Variants in NPAS3 observed in about 807,000 individuals in gnomAD.
NPAS3 encodes neuronal PAS domain protein 3, also known as neuronal PAS domain-containing protein 3.
In NPAS3, 14 loss-of-function variants were observed where a neutral mutation model predicts 73.1. That is an observed-to-expected ratio of 0.19 (90% CI 0.13 to 0.30). The LOEUF (loss-of-function observed/expected upper bound fraction) is 0.30. Among genes scored for constraint, NPAS3 ranks in the 10% least tolerant of loss-of-function variants. The probability of loss-of-function intolerance (pLI) is 1.00; values close to 1 mark genes in which losing one functional copy is unlikely to be tolerated. For missense variants in NPAS3, 1,096 were observed against 1,250.0 expected (o/e 0.88, Z 1.86); for synonymous variants, 620 against 541.5 (o/e 1.14, Z -2.01).
chr14:33,573,673 G>A (rs368840541), intron 5 of NPAS3, among the ~76,000 whole-genome samples: 12 of 152,328 alleles, frequency 7.9e-5, no homozygotes, highest in African/African-American at 2.6e-4. Flanking sequence ...TTTGGAAAGG[G>A]TGTCAGAGTA....
chr14:32,993,293 G>A (rs1459441691), intron 1 of NPAS3, among the ~76,000 whole-genome samples: 2 of 152,158 alleles, frequency 1.3e-5, no homozygotes, highest in African/African-American at 4.8e-5. Context: ...GTAGGTTTGG[G>A]ACTGACCACT....
At chr14:33,246,525 G>A (rs1203392671) in intron 3 of NPAS3, among the ~76,000 whole-genome samples, 2 of 121,758 alleles carry the variant, frequency 1.6e-5, no homozygotes, top group African/African-American at 3.1e-5. Flanking sequence ...GGGCAACAGC[G>A]AGACTTCATC....
chr14:33,128,653 G>A (rs1481079554), intron 2 of NPAS3, among the ~76,000 whole-genome samples: 1 of 152,086 alleles, frequency 6.6e-6, no homozygotes, highest in Non-Finnish European at 1.5e-5. Context: ...ATGAGTTTTT[G>A]ATCACTGTAT....
chr14:33,127,099 A>AC (rs1196725546), intron 2 of NPAS3, among the ~76,000 whole-genome samples: 1 of 151,676 alleles, frequency 6.6e-6, no homozygotes, highest in African/African-American at 2.4e-5. Context: ...TTGAAAAAAA[A>AC]AAACTCTAAA....
intron 2 of NPAS3, among the ~76,000 whole-genome samples, chr14:33,142,670 T>C (rs2044096548): frequency 6.6e-6 from 1 of 152,252 alleles, no homozygotes; most frequent in Non-Finnish European, 1.5e-5. Context: ...GGAATATCTA[T>C]TTGATCTTTT....
At chr14:33,279,381 A>T (rs1286801791) in intron 3 of NPAS3, among the ~76,000 whole-genome samples, 1 of 152,196 alleles carries the variant, frequency 6.6e-6, no homozygotes, top group African/African-American at 2.4e-5. Flanking sequence ...CCTACGAGAT[A>T]GTTGTCACTT....
chr14:33,358,726 C>G (rs1490697991), intron 3 of NPAS3, among the ~76,000 whole-genome samples: 4 of 152,176 alleles, frequency 2.6e-5, no homozygotes, highest in African/African-American at 9.6e-5. Flanking sequence ...TTTATATTCC[C>G]TGACACAGTG....
chr14:32,966,118 A>G (rs2037147145), intron 1 of NPAS3, among the ~76,000 whole-genome samples: 1 of 152,214 alleles, frequency 6.6e-6, no homozygotes, highest in African/African-American at 2.4e-5. Context: ...TAAAATGGCC[A>G]TACTACTCAA....
intron 1 of NPAS3, among the ~76,000 whole-genome samples, chr14:32,981,369 C>G (rs562961389): frequency 3.0e-4 from 46 of 152,276 alleles, no homozygotes; most frequent in Non-Finnish European, 5.0e-4. Context: ...GAACATGCAT[C>G]TTGAGACTAC....
intron 2 of NPAS3, among the ~76,000 whole-genome samples, chr14:33,187,880 A>G (rs997276242): frequency 8.5e-5 from 13 of 152,158 alleles, no homozygotes; most frequent in Admixed American, 7.9e-4. Flanking sequence ...TTGTTACCTT[A>G]TTTAGTAGAA....
chr14:33,650,004 G>T (rs572878551), intron 5 of NPAS3, among the ~76,000 whole-genome samples: 30 of 152,232 alleles, frequency 2.0e-4, no homozygotes, highest in African/African-American at 6.3e-4. Context: ...GAATATCCTG[G>T]GATTCCTGTT....
intron 2 of NPAS3, among the ~76,000 whole-genome samples, chr14:33,171,419 T>A (rs551047233): frequency 1.3e-5 from 2 of 152,334 alleles, no homozygotes; most frequent in South Asian, 4.1e-4. Context: ...CTAATAAGAA[T>A]ATCAGCCTGT....
At chr14:33,659,123 A>G (rs2140266349) in intron 5 of NPAS3, among the ~76,000 whole-genome samples, 1 of 152,382 alleles carries the variant, frequency 6.6e-6, no homozygotes, top group Non-Finnish European at 1.5e-5. Flanking sequence ...TGAATTAGAT[A>G]TGGCTGCTGC....
intron 5 of NPAS3, among the ~76,000 whole-genome samples, chr14:33,602,997 C>A: frequency 6.6e-6 from 1 of 152,086 alleles, no homozygotes; most frequent in East Asian, 1.9e-4. Flanking sequence ...TCCAATCATA[C>A]GTACCAGATG....
intron 3 of NPAS3, among the ~76,000 whole-genome samples, chr14:33,305,035 T>A (rs2042702642): frequency 6.6e-6 from 1 of 152,060 alleles, no homozygotes; most frequent in Non-Finnish European, 1.5e-5. Flanking sequence ...CAAGAGACAA[T>A]AATAACTAGG....
chr14:33,369,674 T>C (rs185291169), intron 4 of NPAS3, among the ~76,000 whole-genome samples: 1 of 152,274 alleles, frequency 6.6e-6, no homozygotes, highest in East Asian at 1.9e-4. Flanking sequence ...GAACTTTTGG[T>C]ATAATTTGAT....
chr14:33,340,165 A>G (rs568715165), intron 3 of NPAS3, among the ~76,000 whole-genome samples: 2 of 152,258 alleles, frequency 1.3e-5, no homozygotes, highest in African/African-American at 4.8e-5. Flanking sequence ...TTTGGTTTTT[A>G]TATATAAGAT....
chr14:33,145,579 C>G (rs2044210032), intron 2 of NPAS3, among the ~76,000 whole-genome samples: 1 of 152,162 alleles, frequency 6.6e-6, no homozygotes. Context: ...ATAATCCTCT[C>G]ATCATTTTCA....
chr14:33,501,481 C>G (rs1174190882), intron 4 of NPAS3, among the ~76,000 whole-genome samples: 1 of 151,796 alleles, frequency 6.6e-6, no homozygotes, highest in Non-Finnish European at 1.5e-5. Context: ...ATATTGGCCA[C>G]TCTCCTTCAC....
Sources: allele counts gnomAD v4.1 joint callset (sites outside exome capture counted in the v4.1 genomes callset), GRCh38; gene constraint gnomAD v4.1.1; transcripts MANE v1.5; gene names NCBI Gene and HGNC (gene_info 2026-07-23, HGNC 2026-07-21).